The following ERG28 variants were observed in gnomAD, a reference collection of about 807,000 sequenced individuals.
The protein encoded by ERG28 is ergosterol biosynthetic protein 28 homolog.
A neutral mutation model predicts 15.7 loss-of-function variants in ERG28; 9 were observed. The ratio of observed to expected loss-of-function variants is 0.57; its 90% CI spans 0.35 to 1.00. ERG28 has a LOEUF of 1.00. ERG28 is among the 50% of genes least tolerant of loss of function. The pLI is 0.02. For missense variants in ERG28, 117 were observed against 173.3 expected (o/e 0.68, Z 1.82); for synonymous variants, 61 against 68.4 (o/e 0.89, Z 0.53).
intron 2 of ERG28, 27 bp downstream of exon 2, chr14:75,657,343 G>A (rs751843869): frequency 8.1e-6 from 13 of 1,613,304 alleles, no homozygotes; most frequent in African/African-American, 1.3e-5. Flanking sequence ...GTCCTATAAA[G>A]GATGCAGAAA....
chr14:75,651,678 C>A, intron 4 of ERG28, 44 bp from the exon 5 acceptor site: 1 of 1,596,716 alleles, frequency 6.3e-7, no homozygotes, highest in Non-Finnish European at 8.6e-7. Flanking sequence ...ACATACGGTA[C>A]CTTTCTTCTC....
At chr14:75,655,124 A>C (rs1448452615) in intron 2 of ERG28, 148 bp from the exon 3 acceptor site, 3 of 691,566 alleles carry the variant, frequency 4.3e-6, no homozygotes, top group Non-Finnish European at 7.7e-6. Flanking sequence ...TAGTGGCAAC[A>C]TGGGAACTAG....
intron 2 of ERG28, among the ~76,000 whole-genome samples, chr14:75,656,724 C>G (rs769191199): frequency 4.6e-5 from 7 of 152,204 alleles, no homozygotes; most frequent in Non-Finnish European, 8.8e-5. Flanking sequence ...GAAATGGACA[C>G]TCTCAGTAGA....
chr14:75,653,733 T>C (rs927710415), intron 3 of ERG28, among the ~76,000 whole-genome samples: 5 of 152,150 alleles, frequency 3.3e-5, no homozygotes, highest in Non-Finnish European at 7.3e-5. Flanking sequence ...AAAATGATTG[T>C]TCAATCCTCC....
At chr14:75,655,278 C>G (rs139223174) in intron 2 of ERG28, among the ~76,000 whole-genome samples, 64 of 152,278 alleles carry the variant, frequency 4.2e-4, no homozygotes, top group African/African-American at 1.5e-3. Flanking sequence ...CCCCTTTTGT[C>G]CTGGAAGCCT....
intron 2 of ERG28, among the ~76,000 whole-genome samples, chr14:75,656,482 A>G (rs1401120385): frequency 4.6e-5 from 7 of 152,210 alleles, no homozygotes; most frequent in African/African-American, 7.2e-5. Context: ...AGGTGAAAAG[A>G]TGGAATTATT....
intron 1 of ERG28, among the ~76,000 whole-genome samples, chr14:75,658,413 T>C (rs979793260): frequency 2.6e-5 from 4 of 152,100 alleles, no homozygotes; most frequent in Non-Finnish European, 4.4e-5. Context: ...ATTAAAACAA[T>C]TGCAGCTCAT....
intron 2 of ERG28, 122 bp from the exon 3 acceptor site, chr14:75,655,098 G>C (rs1056755001): frequency 2.2e-6 from 2 of 914,754 alleles, no homozygotes; most frequent in African/African-American, 3.3e-5. Context: ...TCTGTGGCTG[G>C]GCAGGATGGA....
At chr14:75,651,955 A>G in intron 3 of ERG28, 66 bp from the exon 4 acceptor site, 2 of 1,400,460 alleles carry the variant, frequency 1.4e-6, no homozygotes, top group Non-Finnish European at 2.0e-6. Context: ...GAAAAGTATC[A>G]GACTTCATAC....
chr14:75,656,652 C>G (rs1050469004), intron 2 of ERG28, among the ~76,000 whole-genome samples: 1 of 152,180 alleles, frequency 6.6e-6, no homozygotes, highest in African/African-American at 2.4e-5. Context: ...GAATTGTCAT[C>G]TGCTGTGAAA....
At chr14:75,659,967 T>C (rs968194679) in intron 1 of ERG28, among the ~76,000 whole-genome samples, 1 of 146,198 alleles carries the variant, frequency 6.8e-6, no homozygotes, top group Non-Finnish European at 1.5e-5. Flanking sequence ...ATCACAAAGG[T>C]GGTCTCTGTC....
At chr14:75,659,318 T>C (rs1278783775) in intron 1 of ERG28, among the ~76,000 whole-genome samples, 1 of 152,174 alleles carries the variant, frequency 6.6e-6, no homozygotes, top group African/African-American at 2.4e-5. Context: ...GTATGGAAAA[T>C]ACAATTAGAT....
Position 75,651,822 on chromosome 14 carries a change from A to G in ERG28, c.292T>C (p.Tyr98His), listed in dbSNP as rs1378126097. The change falls in exon 4 of 5, where the codon TAT becomes CAT. Residue 98 changes from tyrosine (Y) to histidine (H), a missense_variant. Tyr to His is a moderately conservative substitution (Grantham distance 83, BLOSUM62 2). Coordinates refer to ENST00000256319, the MANE Select transcript of ERG28 (RefSeq NM_007176.4). ...CCAATCGTGGGAGCTGCAGTTCCATAGACAAACAACTCAGAGAGGAAATGC... is the reference window on the plus strand; with the variant it reads ...CCAATCGTGGGAGCTGCAGTTCCATGGACAAACAACTCAGAGAGGAAATGC... ...LGHFLSELFV[Y>H]GTAAPTIGVL... is the part of the protein sequence containing the mutation. 6.2e-7 allele frequency: 1 copy of G among 1,614,096 alleles called. No individual in the cohort carries two copies. The highest frequency in any genetic ancestry group is 8.5e-7 in the Non-Finnish European group (1 of 1,180,022).
At position 75,651,795 on chromosome 14, in the gene ERG28, C is replaced by A; in HGVS notation, c.319G>T (p.Val107Phe). 6.2e-7 allele frequency: 1 copy of A among 1,613,868 alleles called. No individual in the cohort carries two copies. Among genetic ancestry groups the A allele is most frequent in the African/African-American group, 1.3e-5 (1 of 75,034 alleles). ...CTTGCCACCATCAGGGGTGCCAGGACGCCAATCGTGGGAGCTGCAGTTCCA... is the reference window on the plus strand; with the variant it reads ...CTTGCCACCATCAGGGGTGCCAGGAAGCCAATCGTGGGAGCTGCAGTTCCA... Reference protein sequence around the residue: ...VYGTAAPTIGVLAPLMVASFS... With the variant: ...VYGTAAPTIGFLAPLMVASFS... The change falls in exon 4 of 5, where the codon GTC (valine) becomes TTC (phenylalanine). Residue 107 changes from valine to phenylalanine, a missense_variant. Transcript: ENST00000256319.
chr14:75,657,619 C>A, intron 1 of ERG28, 86 bp from the exon 2 acceptor site: 2 of 1,275,518 alleles, frequency 1.6e-6, no homozygotes, highest in South Asian at 1.4e-5. Context: ...TGAAGCAGGC[C>A]AAAAAAAGAA....
Position 75,651,531 on chromosome 14 carries a change from G to A in ERG28, c.*24C>T. ...GATGGCCAAGGTGGAAAACGAGAAA[G>A]TCCTGGAGGTGATAATGCTGGCCTC... On this transcript the variant is annotated 3_prime_UTR_variant, in exon 5 of 5. Coordinates refer to ENST00000256319, the MANE Select transcript of ERG28 (RefSeq NM_007176.4). 6.3e-7 allele frequency: 1 copy of A among 1,592,788 alleles called. No individual in the cohort carries two copies. Among genetic ancestry groups the A allele is most frequent in the Non-Finnish European group, 8.6e-7 (1 of 1,161,956 alleles).
chr14:75,651,682 T>A (rs1227336319), intron 4 of ERG28, 48 bp from the exon 5 acceptor site: 8 of 1,595,192 alleles, frequency 5.0e-6, no homozygotes, highest in Non-Finnish European at 6.9e-6. Context: ...ACGGTACCTT[T>A]CTTCTCTCTC....
chr14:75,651,444 G>T lies in ERG28; in HGVS notation c.*111C>A. Reference sequence around the variant, plus strand: ...AAAATTAAAAAAAGAGGCTAAAAGTGAATAAAAGGGCAGATGATGGAATAG... The same window carrying T: ...AAAATTAAAAAAAGAGGCTAAAAGTTAATAAAAGGGCAGATGATGGAATAG... On this transcript the variant is annotated 3_prime_UTR_variant, in exon 5 of 5. Transcript: ENST00000256319. The T allele has an allele frequency of 9.4e-7, 1 of 1,067,154 alleles. No individual in the cohort carries two copies. Among genetic ancestry groups the T allele is most frequent in the Non-Finnish European group, 1.4e-6 (1 of 724,684 alleles). 66.1% of individuals were successfully genotyped at this position (1,067,154 alleles called of 1,614,324 possible).
At chr14:75,655,333 T>A (rs1350344130) in intron 2 of ERG28, among the ~76,000 whole-genome samples, 2 of 152,222 alleles carry the variant, frequency 1.3e-5, no homozygotes. Context: ...TTGTAGAGAC[T>A]GATCTGGAAA....
Sources: allele counts gnomAD v4.1 joint callset (sites outside exome capture counted in the v4.1 genomes callset), GRCh38; gene constraint gnomAD v4.1.1; transcripts MANE v1.5; gene names NCBI Gene and HGNC (gene_info 2026-07-23, HGNC 2026-07-21).